The following NEK1 variants were observed in gnomAD, a reference collection of about 807,000 sequenced individuals.
The protein encoded by NEK1 is NIMA related kinase 1, also known as serine/threonine-protein kinase Nek1.
NEK1 carries 137 observed loss-of-function variants against 182.1 expected under a neutral mutation model. The observed-to-expected ratio is 0.75, with a 90% CI of 0.65 to 0.87. The LOEUF is 0.87. Ranked by LOEUF, NEK1 falls within the 40% of genes least tolerant of loss-of-function variation. The pLI is 0.00. For synonymous variants in NEK1, 513 were observed against 492.2 expected (o/e 1.04, Z -0.56); for missense variants, 1,391 against 1,494.4 (o/e 0.93, Z 1.14).
intron 11 of NEK1, among the ~76,000 whole-genome samples, chr4:169,580,235 G>A (rs1355478506): frequency 6.6e-6 from 1 of 151,938 alleles, no homozygotes; most frequent in Admixed American, 6.6e-5. Context: ...GGTGGCTCAC[G>A]CCTGTAATCT....
intron 19 of NEK1, among the ~76,000 whole-genome samples, chr4:169,533,698 C>T (rs1758018451): frequency 2.0e-5 from 3 of 152,154 alleles, no homozygotes; most frequent in Admixed American, 1.3e-4. Flanking sequence ...TGAGCTGGAA[C>T]ATCAGGCCTA....
At chr4:169,596,263 T>A (rs1441794804) in intron 5 of NEK1, among the ~76,000 whole-genome samples, 1 of 152,222 alleles carries the variant, frequency 6.6e-6, no homozygotes, top group East Asian at 1.9e-4. Flanking sequence ...TAGTAGTTGT[T>A]TGATAATATA....
intron 35 of NEK1, among the ~76,000 whole-genome samples, chr4:169,395,019 A>G (rs1414175412): frequency 1.3e-5 from 2 of 152,216 alleles, no homozygotes; most frequent in Non-Finnish European, 2.9e-5. Context: ...GATATATTCT[A>G]TGTTGACTTC....
chr4:169,510,415 T>C (rs1753988792), intron 19 of NEK1, among the ~76,000 whole-genome samples: 1 of 152,180 alleles, frequency 6.6e-6, no homozygotes, highest in African/African-American at 2.4e-5. Context: ...AACTAGGAAT[T>C]ACATTTGCCT....
chr4:169,427,230 C>G (rs555381483), intron 29 of NEK1, among the ~76,000 whole-genome samples: 1 of 149,470 alleles, frequency 6.7e-6, no homozygotes. Context: ...GGGTTCACTC[C>G]ATTCTCCTGC....
intron 8 of NEK1, among the ~76,000 whole-genome samples, chr4:169,587,877 T>C (rs1767789984): frequency 6.6e-6 from 1 of 152,080 alleles, no homozygotes; most frequent in Non-Finnish European, 1.5e-5. Flanking sequence ...TTCACGTAAA[T>C]TCTATTTTTA....
intron 18 of NEK1, among the ~76,000 whole-genome samples, chr4:169,551,162 C>T (rs1486530880): frequency 6.6e-6 from 1 of 152,124 alleles, no homozygotes; most frequent in Non-Finnish European, 1.5e-5. Flanking sequence ...ATCTCCTATG[C>T]TACTTTGATT....
At chr4:169,501,877 C>T (rs750910899) in intron 23 of NEK1, among the ~76,000 whole-genome samples, 7 of 151,454 alleles carry the variant, frequency 4.6e-5, no homozygotes, top group Non-Finnish European at 7.4e-5. Flanking sequence ...AAAAGCTAGC[C>T]GACGAAAAGA....
intron 31 of NEK1, among the ~76,000 whole-genome samples, chr4:169,414,141 CT>C (rs1292733862): frequency 1.3e-5 from 2 of 152,028 alleles, no homozygotes; most frequent in Non-Finnish European, 2.9e-5. Flanking sequence ...AATTAGTATA[CT>C]TTTATTAGAT....
At chr4:169,504,683 TAAAAC>T (rs1320921288) in intron 23 of NEK1, among the ~76,000 whole-genome samples, 2 of 152,138 alleles carry the variant, frequency 1.3e-5, no homozygotes, top group East Asian at 3.9e-4. Context: ...CTAAAAGAAT[TAAAAC>T]AATTGAATTC....
At chr4:169,480,324 G>C (rs1470379190) in intron 23 of NEK1, among the ~76,000 whole-genome samples, 1 of 151,972 alleles carries the variant, frequency 6.6e-6, no homozygotes, top group Non-Finnish European at 1.5e-5. Flanking sequence ...GCATACCTCT[G>C]AGATATTACG....
rs1015828713 is a variant in NEK1 at position 169,612,440 on chromosome 4, C to T, written c.-391G>A. On this transcript the variant is annotated 5_prime_UTR_variant, in exon 1 of 36. Transcript: ENST00000507142. The stretch of plus-strand genomic sequence containing the variant: ...CGGCGGGGTGGGGACGGGCGGCGTT[C>T]GGGACTGGGAAGCTACTTGACTGCC... The T allele has an allele frequency of 1.3e-5, 2 of 152,146 alleles. No homozygotes were observed. The highest frequency in any genetic ancestry group is 4.8e-5 in the African/African-American group (2 of 41,312). The allele number at this position is 152,146 out of a possible 1,614,324, so 9.4% of individuals were successfully genotyped here.
chr4:169,423,127 G>C (rs1055424975), intron 31 of NEK1, among the ~76,000 whole-genome samples: 2 of 152,174 alleles, frequency 1.3e-5, no homozygotes, highest in Non-Finnish European at 2.9e-5. Flanking sequence ...ATTTGAGACA[G>C]AGACTCACTC....
Position 169,596,370 on chromosome 4 carries a change from A to T in NEK1, c.312+2730T>A, listed in dbSNP as rs564205761. ...ACCAACCCTAATGAAGCCAGATTTT[A>T]TTTTGATCAAGAATATATTCTGAAA... On this transcript the variant is annotated intron_variant, in intron 5 of 35. Transcript: ENST00000507142. Among the ~76,000 whole-genome samples the T allele has an allele frequency of 6.6e-5, 10 of 152,272 alleles. No individual in the cohort carries two copies. In the East Asian group the frequency reaches 1.9e-3, roughly 29 times the overall value.
Position 169,580,117 on chromosome 4 carries a change from T to C in NEK1, c.868+725A>G, listed in dbSNP as rs1048370548. 2.6e-5 allele frequency among the ~76,000 whole-genome samples: 4 copies of C among 152,316 alleles called. No individual in the cohort carries two copies. In the South Asian group the frequency reaches 6.2e-4, roughly 24 times the overall value. ...GATTCTAATACCACTGGTCACATTG[T>C]TTAAAAGAAAACCTATCTTTAATGA... On this transcript the variant is annotated intron_variant, in intron 11 of 35. Coordinates refer to ENST00000507142, the MANE Select transcript of NEK1 (RefSeq NM_001199397.3).
intron 19 of NEK1, among the ~76,000 whole-genome samples, 168 bp from the exon 20 acceptor site, chr4:169,509,020 A>G (rs1272634078): frequency 1.3e-5 from 2 of 152,208 alleles, no homozygotes; most frequent in East Asian, 1.9e-4. Flanking sequence ...CTTGAAATAT[A>G]TATTTAGTGA....
intron 16 of NEK1, among the ~76,000 whole-genome samples, chr4:169,558,542 T>C (rs1762467294): frequency 6.6e-6 from 1 of 152,260 alleles, no homozygotes. Context: ...CTCTTTTATC[T>C]GGTTTCTTTC....
chr4:169,483,157 AG>A (rs1748400174), intron 23 of NEK1, among the ~76,000 whole-genome samples: 1 of 152,228 alleles, frequency 6.6e-6, no homozygotes. Context: ...ATTTTGTCTT[AG>A]GGAATAAGAT....
At chr4:169,540,535 G>A (rs1370500442) in intron 18 of NEK1, among the ~76,000 whole-genome samples, 2 of 152,070 alleles carry the variant, frequency 1.3e-5, no homozygotes, top group Admixed American at 1.3e-4. Context: ...TGGGGATTAA[G>A]AGAAAACAGT....
Sources: allele counts gnomAD v4.1 joint callset (sites outside exome capture counted in the v4.1 genomes callset), GRCh38; gene constraint gnomAD v4.1.1; transcripts MANE v1.5; gene names NCBI Gene and HGNC (gene_info 2026-07-23, HGNC 2026-07-21).